The following SNTG1 variants were observed in gnomAD, a reference collection of about 807,000 sequenced individuals.
SNTG1 encodes gamma-1-syntrophin.
A neutral mutation model predicts 74.7 loss-of-function variants in SNTG1; 39 were observed. That is an observed-to-expected ratio of 0.52 (90% CI 0.40 to 0.68). The LOEUF is 0.68. SNTG1 is among the 30% of genes least tolerant of loss of function. The pLI is 0.00. For missense variants in SNTG1, 685 were observed against 609.5 expected (o/e 1.12, Z -1.30); for synonymous variants, 254 against 217.1 (o/e 1.17, Z -1.49).
At chr8:49,978,608 G>A (rs1812398727) in intron 1 of SNTG1, among the ~76,000 whole-genome samples, 1 of 152,052 alleles carries the variant, frequency 6.6e-6, no homozygotes, top group African/African-American at 2.4e-5. Context: ...TATTGTAAAG[G>A]CCCATGTTTC....
intron 15 of SNTG1, among the ~76,000 whole-genome samples, chr8:50,670,382 T>C (rs563225620): frequency 5.9e-4 from 89 of 152,010 alleles, no homozygotes; most frequent in South Asian, 1.5e-3. Context: ...ATCACAAGCA[T>C]TCTTATACAC....
chr8:50,394,162 C>T, intron 2 of SNTG1, 50 bp from the exon 3 acceptor site: 6 of 1,473,176 alleles, frequency 4.1e-6, no homozygotes, highest in Non-Finnish European at 5.6e-6. Flanking sequence ...AGTGTTCTCT[C>T]TTACATGCCA....
chr8:50,416,550 C>T (rs953885056), intron 4 of SNTG1, among the ~76,000 whole-genome samples: 2 of 151,972 alleles, frequency 1.3e-5, no homozygotes, highest in African/African-American at 4.8e-5. Context: ...TATGAGTTTG[C>T]AGATTAGCTA....
rs150234104 is a variant in SNTG1 at position 50,381,120 on chromosome 8, A to T, written c.-27-13092A>T. On this transcript the variant is annotated intron_variant, in intron 2 of 18. Coordinates refer to ENST00000642720, the MANE Select transcript of SNTG1 (RefSeq NM_018967.5). ...TATTGTCATTTTTTAAACATTAAAGATGATTTCATCACATTATATGCATTG... is the reference window on the plus strand; with the variant it reads ...TATTGTCATTTTTTAAACATTAAAGTTGATTTCATCACATTATATGCATTG... 170 of 152,300 alleles carry T rather than the reference A, an allele frequency of 1.1e-3. 1 individual carries two copies. The highest frequency in any genetic ancestry group is 3.8e-3 in the African/African-American group (156 of 41,572). The allele number at this position is 152,300 out of a possible 1,614,324, so 9.4% of individuals were successfully genotyped here.
intron 18 of SNTG1, among the ~76,000 whole-genome samples, chr8:50,780,075 C>T (rs1262351883): frequency 6.6e-6 from 1 of 152,132 alleles, no homozygotes; most frequent in Non-Finnish European, 1.5e-5. Context: ...GGTGGATAAG[C>T]TTTTTGATGT....
chr8:49,984,574 G>A (rs1465342567), intron 1 of SNTG1, among the ~76,000 whole-genome samples: 1 of 151,944 alleles, frequency 6.6e-6, no homozygotes, highest in Non-Finnish European at 1.5e-5. Context: ...TTTCCTTAAT[G>A]TTTTACACCT....
chr8:50,760,680 A>G (rs1027472395), intron 18 of SNTG1, among the ~76,000 whole-genome samples: 24 of 152,006 alleles, frequency 1.6e-4, no homozygotes, highest in African/African-American at 5.8e-4. Context: ...AAAAAAAATG[A>G]TAAAAAGAAT....
intron 2 of SNTG1, among the ~76,000 whole-genome samples, chr8:50,343,363 T>C (rs2091376804): frequency 6.6e-6 from 1 of 152,230 alleles, no homozygotes; most frequent in Admixed American, 6.5e-5. Context: ...GAGGACTCAC[T>C]TGAGTTTATA....
At chr8:50,062,593 A>T (rs203954) in intron 1 of SNTG1, among the ~76,000 whole-genome samples, 131,514 of 152,228 alleles carry the variant, frequency 0.86, 56,950 homozygotes, top group East Asian at 0.99. Context: ...AATGTTCACA[A>T]GCTAAATATT....
chr8:50,106,667 C>G (rs554060853), intron 1 of SNTG1, among the ~76,000 whole-genome samples: 3 of 152,052 alleles, frequency 2.0e-5, no homozygotes, highest in African/African-American at 7.2e-5. Context: ...TTGAGATGAT[C>G]GTGTGTTTCT....
chr8:50,380,542 A>G (rs775286369), intron 2 of SNTG1, among the ~76,000 whole-genome samples: 1 of 152,222 alleles, frequency 6.6e-6, no homozygotes, highest in Non-Finnish European at 1.5e-5. Flanking sequence ...AGCATTATGG[A>G]AATTATCAAA....
intron 2 of SNTG1, among the ~76,000 whole-genome samples, chr8:50,288,171 T>C (rs2088891430): frequency 2.0e-5 from 3 of 152,202 alleles, no homozygotes; most frequent in Admixed American, 6.5e-5. Context: ...GAAGCAATTG[T>C]TATTAGTTCT....
intron 1 of SNTG1, among the ~76,000 whole-genome samples, chr8:49,959,924 C>T (rs1350701638): frequency 6.6e-6 from 1 of 152,130 alleles, no homozygotes; most frequent in Admixed American, 6.5e-5. Flanking sequence ...TCTAGTTTAA[C>T]CCTTATGCTT....
At chr8:50,664,376 G>A (rs2095240502) in intron 15 of SNTG1, among the ~76,000 whole-genome samples, 1 of 152,096 alleles carries the variant, frequency 6.6e-6, no homozygotes, top group South Asian at 2.1e-4. Context: ...TATATATCAA[G>A]AATGAGAAAA....
chr8:50,641,355 A>T (rs114145255), intron 13 of SNTG1, among the ~76,000 whole-genome samples: 132 of 152,240 alleles, frequency 8.7e-4, no homozygotes, highest in African/African-American at 3.0e-3. Flanking sequence ...GGAGAACTGA[A>T]CACATCTGCC....
intron 1 of SNTG1, among the ~76,000 whole-genome samples, chr8:50,037,261 T>TGAG (rs1818245217): frequency 6.6e-6 from 1 of 152,250 alleles, no homozygotes; most frequent in African/African-American, 2.4e-5. Flanking sequence ...GGTTTTTTGC[T>TGAG]GAGTCTATAG....
chr8:50,337,952 C>T (rs911532272), intron 2 of SNTG1, among the ~76,000 whole-genome samples: 2 of 151,958 alleles, frequency 1.3e-5, no homozygotes, highest in African/African-American at 2.4e-5. Context: ...CTAGCTAACA[C>T]GGTGAAACCC....
At chr8:50,343,123 C>T (rs533482572) in intron 2 of SNTG1, among the ~76,000 whole-genome samples, 68 of 152,222 alleles carry the variant, frequency 4.5e-4, no homozygotes, top group African/African-American at 8.9e-4. Flanking sequence ...CCCAGTACTT[C>T]GTGATGGATT....
intron 4 of SNTG1, among the ~76,000 whole-genome samples, chr8:50,423,005 TG>T (rs1372696207): frequency 2.0e-5 from 3 of 152,048 alleles, no homozygotes; most frequent in Non-Finnish European, 2.9e-5. Flanking sequence ...GAGGTGGGTT[TG>T]GGGGGGTTAG....
Sources: allele counts gnomAD v4.1 joint callset (sites outside exome capture counted in the v4.1 genomes callset), GRCh38; gene constraint gnomAD v4.1.1; transcripts MANE v1.5; gene names NCBI Gene and HGNC (gene_info 2026-07-23, HGNC 2026-07-21).